CEP112: variants seen among roughly 807,000 people sequenced by gnomAD.
CEP112 encodes the protein centrosomal protein 112.
In CEP112, 127 loss-of-function variants were observed where a neutral mutation model predicts 153.0. That is an observed-to-expected ratio of 0.83 (90% CI 0.72 to 0.96). CEP112 has a LOEUF of 0.96. CEP112 is among the 40% of genes least tolerant of loss of function. The pLI, the probability that CEP112 is intolerant of heterozygous loss-of-function variation, is 0.00. For synonymous variants in CEP112, 358 were observed against 374.4 expected, an observed-to-expected ratio of 0.96 and a Z score of 0.51; for missense variants, 1,089 against 1,101.2, an observed-to-expected ratio of 0.99 and a Z score of 0.16.
intron 8 of CEP112, among the ~76,000 whole-genome samples, chr17:66,094,114 C>T (rs928906503): frequency 5.3e-5 from 8 of 152,008 alleles, no homozygotes; most frequent in African/African-American, 1.4e-4. Flanking sequence ...GGCAGGAGTT[C>T]GGTGACACAA....
chr17:65,734,691 C>A (rs2050697908), intron 23 of CEP112, among the ~76,000 whole-genome samples: 1 of 152,110 alleles, frequency 6.6e-6, no homozygotes, highest in Admixed American at 6.5e-5. Context: ...CAATCTCTTG[C>A]AAGATGTTAT....
At chr17:65,844,650 C>T (rs1222801539) in intron 21 of CEP112, among the ~76,000 whole-genome samples, 1 of 66,992 alleles carries the variant, frequency 1.5e-5, no homozygotes, top group African/African-American at 5.4e-5. Flanking sequence ...AGGCTCCATC[C>T]TGGGCTACAA....
intron 20 of CEP112, among the ~76,000 whole-genome samples, chr17:65,867,968 G>A (rs8071241): frequency 0.98 from 148,644 of 151,796 alleles, 72,861 homozygotes; most frequent in East Asian, 1. Context: ...CTAGGTTTGA[G>A]AATACATATT....
chr17:66,109,472 A>T lies in CEP112; in HGVS notation c.643-12840T>A, dbSNP rs142035476. Among the ~76,000 whole-genome samples, 655 of 152,270 alleles carry T rather than the reference A, an allele frequency of 4.3e-3. 6 individuals are homozygous for T. The highest frequency in any genetic ancestry group is 0.015 in the African/African-American group (612 of 41,578). On this transcript the variant is annotated intron_variant, in intron 6 of 26. Transcript: ENST00000535342. ...CCTAAAACTTAAAGTATAATAATAA[A>T]AAAAAAATCAACTGCATTTCTGAAA...
intron 17 of CEP112, among the ~76,000 whole-genome samples, chr17:65,981,910 A>G (rs577047797): frequency 6.6e-6 from 1 of 152,338 alleles, no homozygotes; most frequent in East Asian, 1.9e-4. Context: ...ATATAAAAAA[A>G]TTTAAAATAA....
intron 12 of CEP112, among the ~76,000 whole-genome samples, chr17:66,034,970 T>TGTGTGTGTGTGTGTGTGTGTGTGTG: frequency 1.0e-5 from 1 of 96,740 alleles, no homozygotes; most frequent in Admixed American, 1.4e-4. Context: ...AGCTAAGTTT[T>TGTGTGTGTGTGTGTGTGTGTGTGTG]TGCATGTATA....
At chr17:66,058,570 C>CA (rs1420920517) in intron 11 of CEP112, among the ~76,000 whole-genome samples, 3 of 152,064 alleles carry the variant, frequency 2.0e-5, no homozygotes, top group African/African-American at 7.2e-5. Flanking sequence ...AAGAATAAGT[C>CA]AGGCATGGTG....
chr17:65,970,342 G>A (rs1375743435), intron 17 of CEP112, among the ~76,000 whole-genome samples: 2 of 107,146 alleles, frequency 1.9e-5, no homozygotes, highest in East Asian at 2.1e-4. Context: ...CATATTACAT[G>A]CATGTGCACT....
intron 24 of CEP112, among the ~76,000 whole-genome samples, chr17:65,683,405 A>G (rs1598302716): frequency 6.6e-6 from 1 of 152,264 alleles, no homozygotes; most frequent in East Asian, 1.9e-4. Context: ...CAACTAAACC[A>G]GCTGGCTGCA....
intron 21 of CEP112, among the ~76,000 whole-genome samples, chr17:65,819,718 A>G (rs1343489814): frequency 3.3e-5 from 5 of 151,980 alleles, no homozygotes; most frequent in Non-Finnish European, 7.4e-5. Context: ...CATAACCTCA[A>G]TCTAATCATA....
chr17:65,839,155 C>T lies in CEP112; in HGVS notation c.2394+12649G>A, dbSNP rs138686488. Among the ~76,000 whole-genome samples, 417 of 151,910 alleles carry T rather than the reference C, an allele frequency of 2.7e-3. 5 individuals carry two copies. The highest frequency in any genetic ancestry group is 9.3e-3 in the African/African-American group (386 of 41,444). The stretch of plus-strand genomic sequence containing the variant: ...TACTTCCAAACTTACTCTACAAGAC[C>T]AGCATTAACCTGATACTAAAACCCG... On this transcript the variant is annotated intron_variant, in intron 21 of 26. Transcript: ENST00000535342.
chr17:65,971,135 T>C (rs1708311352), intron 17 of CEP112, among the ~76,000 whole-genome samples: 1 of 152,210 alleles, frequency 6.6e-6, no homozygotes, highest in Admixed American at 6.5e-5. Flanking sequence ...GAGATTTATA[T>C]TGCATGTGCA....
At chr17:65,740,885 TATATC>T (rs1013751264) in intron 23 of CEP112, among the ~76,000 whole-genome samples, 2 of 152,344 alleles carry the variant, frequency 1.3e-5, no homozygotes, top group African/African-American at 4.8e-5. Context: ...GCAAAAATGT[TATATC>T]ATTCATGCAG....
At position 66,181,155 on chromosome 17, in the gene CEP112, T is replaced by C. The variant is rs576660572; in HGVS notation, c.106+2039A>G. Among the ~76,000 whole-genome samples, 7 of 152,290 alleles carry C rather than the reference T, an allele frequency of 4.6e-5. No individual in the cohort carries two copies. In the South Asian group the frequency reaches 1.0e-3, roughly 23 times the overall value. On this transcript the variant is annotated intron_variant, in intron 2 of 26. Coordinates refer to ENST00000535342, the MANE Select transcript of CEP112 (RefSeq NM_001199165.4). ...GAAAGCATTCCTCTATGTAAAATAA[T>C]GGGAAAACCCATTATCACAAGTTGA... is the stretch of plus-strand genomic sequence containing the variant.
intron 17 of CEP112, among the ~76,000 whole-genome samples, chr17:65,971,241 CAT>C (rs1422615725): frequency 6.6e-6 from 1 of 152,134 alleles, no homozygotes; most frequent in Non-Finnish European, 1.5e-5. Context: ...ACGTGCAAAA[CAT>C]GCACATCAAA....
intron 4 of CEP112, among the ~76,000 whole-genome samples, chr17:66,142,152 T>C (rs1376006896): frequency 6.6e-6 from 1 of 152,204 alleles, no homozygotes; most frequent in Non-Finnish European, 1.5e-5. Flanking sequence ...TTTTATATAT[T>C]GTATGTCCAC....
rs757799780 is a variant in CEP112, at chr17:66,053,782, C to T, written c.1172G>A (p.Arg391His). ...GTATTCACTCTCCATTTTATTCAGA[C>T]GCACATTTGTATCCTCAAGCAATTC... Reference protein sequence around the residue: ...IQELLEDTNVRLNKMESEYMA... With the variant: ...IQELLEDTNVHLNKMESEYMA... Residue 391 changes from arginine to histidine, a missense_variant, in exon 12 of 27, where the codon CGT becomes CAT. Coordinates refer to ENST00000535342, the MANE Select transcript of CEP112 (RefSeq NM_001199165.4). 1.3e-5 allele frequency: 21 copies of T among 1,613,536 alleles called. No homozygotes were observed. The highest frequency in any genetic ancestry group is 6.7e-5 in the African/African-American group (5 of 74,912).
At position 65,761,761 on chromosome 17, in the gene CEP112, T is replaced by C. The variant is rs189675977; in HGVS notation, c.2395-11037A>G. Among the ~76,000 whole-genome samples, 476 of 152,240 alleles carry C rather than the reference T, an allele frequency of 3.1e-3. 5 individuals carry two copies. The highest frequency in any genetic ancestry group is 0.011 in the African/African-American group (450 of 41,568). ...CATTGTGGTCTGAGATCAGATATTG[T>C]ATGATTTCTACTCTTTTAAATTTGT... On this transcript the variant is annotated intron_variant, in intron 21 of 26. Transcript: ENST00000535342.
intron 21 of CEP112, among the ~76,000 whole-genome samples, chr17:65,772,806 T>C (rs1391986659): frequency 6.6e-6 from 1 of 151,978 alleles, no homozygotes; most frequent in Non-Finnish European, 1.5e-5. Context: ...ATGAAAGAGA[T>C]CTGCACAGGG....
Sources: allele counts gnomAD v4.1 joint callset (sites outside exome capture counted in the v4.1 genomes callset), GRCh38; gene constraint gnomAD v4.1.1; transcripts MANE v1.5; gene names NCBI Gene and HGNC (gene_info 2026-07-23, HGNC 2026-07-21).